NBAS: variants seen among roughly 807,000 people sequenced by gnomAD.
The protein encoded by NBAS is NBAS subunit of NRZ tethering complex, also known as NAG/BC035112 fusion.
A neutral mutation model predicts 302.5 loss-of-function variants in NBAS; 219 were observed. The ratio of observed to expected loss-of-function variants is 0.72; its 90% CI spans 0.65 to 0.81. The LOEUF is 0.81. NBAS is among the 30% of genes least tolerant of loss of function. NBAS has a pLI of 0.00. For missense variants in NBAS, 2,932 were observed against 2,841.6 expected, an observed-to-expected ratio of 1.03 and a Z score of -0.72; for synonymous variants, 1,118 against 1,021.6, an observed-to-expected ratio of 1.09 and a Z score of -1.80.
the NBAS span, among the ~76,000 whole-genome samples, chr2:14,869,818 T>C: frequency 2.0e-5 from 3 of 152,320 alleles, no homozygotes; most frequent in Admixed American, 6.5e-5. Flanking sequence ...ATGTCCACTG[T>C]ATTCTCCTCT....
chr2:15,102,427 T>C, the NBAS span, among the ~76,000 whole-genome samples: 1 of 152,200 alleles, frequency 6.6e-6, no homozygotes, highest in African/African-American at 2.4e-5. Context: ...GGGCAAGTTA[T>C]ATTCATATAT....
intron 38 of NBAS, among the ~76,000 whole-genome samples, chr2:15,321,341 A>C (rs1485723955): frequency 1.3e-5 from 2 of 152,234 alleles, no homozygotes; most frequent in Admixed American, 6.5e-5. Context: ...CTGGGCAAGG[A>C]CTTCATGACT....
the NBAS span, among the ~76,000 whole-genome samples, chr2:15,101,727 G>C: frequency 6.6e-6 from 1 of 152,170 alleles, no homozygotes; most frequent in African/African-American, 2.4e-5. Flanking sequence ...TCAGATGGGA[G>C]TGAGTTCAGA....
intron 12 of NBAS, 95 bp from the exon 13 acceptor site, chr2:15,478,384 C>A: frequency 1.1e-6 from 1 of 888,602 alleles, no homozygotes; most frequent in Non-Finnish European, 1.8e-6. Context: ...AAAGAGATGA[C>A]GCTTTCCCTT....
chr2:15,357,360 T>C (rs1035327712), intron 32 of NBAS, among the ~76,000 whole-genome samples: 2 of 152,228 alleles, frequency 1.3e-5, no homozygotes, highest in Non-Finnish European at 2.9e-5. Context: ...AGCCCTGAAC[T>C]ACTGTGAGTT....
At chr2:15,323,402 G>A (rs1671911897) in intron 38 of NBAS, among the ~76,000 whole-genome samples, 1 of 152,170 alleles carries the variant, frequency 6.6e-6, no homozygotes, top group Non-Finnish European at 1.5e-5. Context: ...AAGACACAGG[G>A]AGCTTTCTCT....
At chr2:14,806,417 A>C in the NBAS span, among the ~76,000 whole-genome samples, 1 of 152,142 alleles carries the variant, frequency 6.6e-6, no homozygotes, top group African/African-American at 2.4e-5. Context: ...CAAATTTTTC[A>C]ATGTTTCTAT....
At chr2:15,283,605 T>A (rs775954028) in intron 42 of NBAS, among the ~76,000 whole-genome samples, 1 of 152,206 alleles carries the variant, frequency 6.6e-6, no homozygotes, top group Non-Finnish European at 1.5e-5. Context: ...ACTGAGTCAA[T>A]TAAACCTCTT....
chr2:14,991,732 A>C, the NBAS span, among the ~76,000 whole-genome samples: 34 of 152,190 alleles, frequency 2.2e-4, no homozygotes, highest in African/African-American at 7.0e-4. Flanking sequence ...TCTTGGTAGA[A>C]TCTTGGGCCT....
At chr2:15,076,291 A>T in the NBAS span, among the ~76,000 whole-genome samples, 1 of 152,238 alleles carries the variant, frequency 6.6e-6, no homozygotes, top group Non-Finnish European at 1.5e-5. Context: ...TAACATATCC[A>T]CAACAACAAA....
chr2:15,113,599 C>A, the NBAS span, among the ~76,000 whole-genome samples: 1 of 152,164 alleles, frequency 6.6e-6, no homozygotes, highest in Admixed American at 6.5e-5. Context: ...ATTGGACAAT[C>A]TGAGCATCAT....
chr2:15,477,503 C>T (rs929860805), intron 13 of NBAS, among the ~76,000 whole-genome samples: 10 of 152,312 alleles, frequency 6.6e-5, no homozygotes, highest in Admixed American at 2.0e-4. Flanking sequence ...TCGGGTGATC[C>T]ACCTGCCTTG....
rs767596191 is a variant in NBAS, at chr2:15,561,330, G to A, written c.-26C>T. On this transcript the variant is annotated 5_prime_UTR_variant, in exon 1 of 52. Coordinates refer to ENST00000281513, the MANE Select transcript of NBAS (RefSeq NM_015909.4). The stretch of plus-strand genomic sequence containing the variant: ...GTTCGCCGAGGACTCAGGCAGCGGA[G>A]GAGTGTCTCTACGGAATCCCTCACA... The A allele has an allele frequency of 6.3e-7, 1 of 1,599,168 alleles. No individual in the cohort carries two copies. Among genetic ancestry groups the A allele is most frequent in the African/African-American group, 1.3e-5 (1 of 74,798 alleles).
chr2:15,546,257 C>T (rs1407524735), intron 6 of NBAS, among the ~76,000 whole-genome samples: 1 of 151,946 alleles, frequency 6.6e-6, no homozygotes, highest in Non-Finnish European at 1.5e-5. Flanking sequence ...TGGTGGTGAG[C>T]TTATTTTTCT....
the NBAS span, among the ~76,000 whole-genome samples, chr2:15,138,245 G>A: frequency 6.6e-6 from 1 of 152,122 alleles, no homozygotes; most frequent in African/African-American, 2.4e-5. Flanking sequence ...TTGTAGGGGA[G>A]AAAAAAGCCC....
chr2:15,074,043 A>G, the NBAS span, among the ~76,000 whole-genome samples: 1 of 152,168 alleles, frequency 6.6e-6, no homozygotes, highest in Non-Finnish European at 1.5e-5. Context: ...GAAGACTAAC[A>G]CCAGATATGA....
At chr2:14,906,173 A>G in the NBAS span, among the ~76,000 whole-genome samples, 39,378 of 152,102 alleles carry the variant, frequency 0.26, 5,235 homozygotes, top group East Asian at 0.34. Flanking sequence ...CAGCGGCAGC[A>G]GCAGCCACCG....
chr2:15,203,723 C>T (rs1171202175), intron 48 of NBAS, among the ~76,000 whole-genome samples: 1 of 151,918 alleles, frequency 6.6e-6, no homozygotes, highest in Non-Finnish European at 1.5e-5. Flanking sequence ...TCTCATATTC[C>T]ATGTTAATAT....
the NBAS span, among the ~76,000 whole-genome samples, chr2:15,001,580 T>C: frequency 6.6e-6 from 1 of 152,182 alleles, no homozygotes; most frequent in Admixed American, 6.5e-5. Flanking sequence ...TCAAATCAAA[T>C]TATAATTTGA....
Sources: gnomAD v4.1 joint callset for allele counts (sites outside exome capture counted in the v4.1 genomes callset) on GRCh38, gnomAD v4.1.1 for gene constraint, MANE v1.5 for transcripts, NCBI Gene and HGNC (gene_info 2026-07-23, HGNC 2026-07-21) for gene names.